Variants in PYROXD2 observed in about 807,000 individuals in gnomAD.
PYROXD2 encodes pyridine nucleotide-disulphide oxidoreductase domain 2, also known as pyridine nucleotide-disulfide oxidoreductase domain-containing protein 2.
PYROXD2 carries 69 observed loss-of-function variants against 71.1 expected under a neutral mutation model. The observed-to-expected ratio is 0.97, with a 90% CI of 0.80 to 1.19. The LOEUF (loss-of-function observed/expected upper bound fraction) is 1.19. Ranked by LOEUF, PYROXD2 falls within the 50% of genes most tolerant of loss-of-function variation. The pLI, the probability that PYROXD2 is intolerant of heterozygous loss-of-function variation, is 0.00. For missense variants in PYROXD2, 745 were observed against 748.9 expected (o/e 0.99, Z 0.06); for synonymous variants, 287 against 302.7 (o/e 0.95, Z 0.54).
rs746381035 is a variant in PYROXD2 at position 98,407,650 on chromosome 10, T to C, written c.247A>G (p.Lys83Glu). Residue 83 changes from lysine (K) to glutamate (E), a missense_variant, in exon 4 of 16, where the codon AAG becomes GAG. Physicochemically the swap from Lys to Glu is moderately conservative, Grantham distance 56. Coordinates refer to ENST00000370575, the MANE Select transcript of PYROXD2 (RefSeq NM_032709.3). The stretch of plus-strand genomic sequence containing the variant: ...AGCAGGTAGGACGCGCGGGAGAACT[T>C]AAACCCTGAAACCGAATCCGATGAA... ...AVTEEIIPGFKFSRASYLLSL... is the reference protein window; with the variant it reads ...AVTEEIIPGFEFSRASYLLSL... 1.9e-6 allele frequency: 3 copies of C among 1,613,792 alleles called. No homozygotes were observed. The South Asian group carries it at 3.3e-5, about 18-fold the overall frequency.
In PYROXD2 at chr10:98,391,093, A is replaced by C. The variant is rs763895593; in HGVS notation, c.1063-11T>G. 6.3e-7 allele frequency: 1 copy of C among 1,593,876 alleles called. No individual in the cohort carries two copies. Among genetic ancestry groups the C allele is most frequent in the East Asian group, 2.2e-5 (1 of 44,780 alleles). On this transcript the variant is annotated splice_polypyrimidine_tract_variant and intron_variant, in intron 10 of 15. Coordinates refer to ENST00000370575, the MANE Select transcript of PYROXD2 (RefSeq NM_032709.3). ...CTCAGGAAGCCACTCCTGGAAGGAG[A>C]AGGCTCCATGAAAGGCCTCAGATGT...
rs745926995 is a variant in PYROXD2 at position 98,385,015 on chromosome 10, A to G, written c.1607T>C (p.Val536Ala). Residue 536 changes from valine to alanine, a missense_variant, in exon 15 of 16, where the codon GTG becomes GCG. Transcript: ENST00000370575. ...SLDQLYFARPVPLHSGYRCPL... is the reference protein window; with the variant it reads ...SLDQLYFARPAPLHSGYRCPL... Reference sequence around the variant, plus strand: ...GCAGCGGTAGCCAGAATGCAGGGGCACGGGGCGGGCGAAGTAGAGCTGGTC... The same window carrying G: ...GCAGCGGTAGCCAGAATGCAGGGGCGCGGGGCGGGCGAAGTAGAGCTGGTC... 1.2e-5 allele frequency: 19 copies of G among 1,613,706 alleles called. No homozygotes were observed. Among genetic ancestry groups the G allele is most frequent in the Non-Finnish European group, 1.6e-5 (19 of 1,179,890 alleles).
intron 4 of PYROXD2, among the ~76,000 whole-genome samples, chr10:98,404,795 A>G (rs1843539142): frequency 6.6e-6 from 1 of 151,758 alleles, no homozygotes; most frequent in Non-Finnish European, 1.5e-5. Flanking sequence ...ATGCCATAAA[A>G]ACGACCGTTT....
intron 12 of PYROXD2, among the ~76,000 whole-genome samples, chr10:98,388,932 T>C (rs766833419): frequency 6.6e-6 from 1 of 152,094 alleles, no homozygotes; most frequent in Non-Finnish European, 1.5e-5. Flanking sequence ...ACAGAGCTGC[T>C]AGGGCTGCCC....
rs1183058475 is a variant in PYROXD2, at chr10:98,390,661, C to T, written c.1229G>A (p.Cys410Tyr). Reference sequence around the variant, plus strand: ...CTGATGAAGGAGGAGGGTGTCTTCACAGTTCAGGTGGATGGAGCATTGGTG... The same window carrying T: ...CTGATGAAGGAGGAGGGTGTCTTCATAGTTCAGGTGGATGGAGCATTGGTG... ...PHHQCSIHLN[C>Y]EDTLLLHQAF... is the part of the protein sequence containing the mutation. Residue 410 changes from cysteine (C) to tyrosine (Y), a missense_variant, in exon 12 of 16, where the codon TGT becomes TAT. By Grantham distance (194) the Cys-to-Tyr change is radical. Coordinates refer to ENST00000370575, the MANE Select transcript of PYROXD2 (RefSeq NM_032709.3). 14 of 1,612,490 alleles carry T rather than the reference C, an allele frequency of 8.7e-6. No homozygotes were observed. Among genetic ancestry groups the T allele is most frequent in the Non-Finnish European group, 1.2e-5 (14 of 1,179,196 alleles).
chr10:98,401,147 G>T (rs1843385229), intron 4 of PYROXD2, among the ~76,000 whole-genome samples: 1 of 151,540 alleles, frequency 6.6e-6, no homozygotes, highest in Admixed American at 6.6e-5. Context: ...CAACTACTCG[G>T]AAGGCTGAGG....
chr10:98,397,818 T>A (rs2135977103), intron 5 of PYROXD2, among the ~76,000 whole-genome samples: 1 of 151,302 alleles, frequency 6.6e-6, no homozygotes, highest in Non-Finnish European at 1.5e-5. Context: ...AATCCTAGGG[T>A]GTGGTCTCTG....
intron 14 of PYROXD2, among the ~76,000 whole-genome samples, chr10:98,385,294 GA>G (rs1842715245): frequency 6.6e-6 from 1 of 152,240 alleles, no homozygotes; most frequent in Non-Finnish European, 1.5e-5. Flanking sequence ...GCAGGGTGGG[GA>G]ACACGAACTG....
intron 12 of PYROXD2, 41 bp downstream of exon 12, chr10:98,390,557 T>TCCCTTCCC (rs1341194517): frequency 6.6e-7 from 1 of 1,522,564 alleles, no homozygotes; most frequent in African/African-American, 1.4e-5. Flanking sequence ...CCCAGGCCCA[T>TCCCTTCCC]GTGGAAGAAC....
chr10:98,393,140 TC>T, intron 8 of PYROXD2, 57 bp from the exon 9 acceptor site: 1 of 1,338,910 alleles, frequency 7.5e-7, no homozygotes, highest in Non-Finnish European at 1.0e-6. Context: ...TCCCCAGAGT[TC>T]CAGGTGCAAC....
Position 98,395,453 on chromosome 10 carries a change from C to T in PYROXD2, c.626-1G>A. The T allele has an allele frequency of 1.2e-6, 2 of 1,613,936 alleles. No homozygotes were observed. The highest frequency in any genetic ancestry group is 1.7e-6 in the Non-Finnish European group (2 of 1,179,822). On this transcript the variant is annotated splice_acceptor_variant, in intron 6 of 15. Transcript: ENST00000370575. LOFTEE classifies it high-confidence loss of function. ...GGAAGCTGGGCTCCCAGGATGCGGC[C>T]TACAAGAGAAGATCCACAAAACAGA...
chr10:98,397,829 C>T (rs74486122), intron 5 of PYROXD2, among the ~76,000 whole-genome samples: 2,153 of 151,166 alleles, frequency 0.014, 32 homozygotes, highest in Middle Eastern at 0.035. Context: ...GTGGTCTCTG[C>T]GATAAATCAT....
At position 98,415,026 on chromosome 10, in the gene PYROXD2, G is replaced by C; in HGVS notation, c.110C>G (p.Ala37Gly). The C allele has an allele frequency of 6.2e-7, 1 of 1,612,714 alleles. No individual in the cohort carries two copies. The highest frequency in any genetic ancestry group is 8.5e-7 in the Non-Finnish European group (1 of 1,179,404). Residue 37 changes from alanine to glycine, a missense_variant, in exon 1 of 16, where the codon GCG becomes GGG. By Grantham distance (60) the Ala-to-Gly change is moderately conservative (BLOSUM62 0). Coordinates refer to ENST00000370575, the MANE Select transcript of PYROXD2 (RefSeq NM_032709.3). ...ARGGLKPEYDAVVIGAGHNGL... is the reference protein window; with the variant it reads ...ARGGLKPEYDGVVIGAGHNGL... ...CACTTTACCTGCTCCTATCACCACCGCATCATACTCAGGCTTCAGACCTCC... is the reference window on the plus strand; with the variant it reads ...CACTTTACCTGCTCCTATCACCACCCCATCATACTCAGGCTTCAGACCTCC...
intron 4 of PYROXD2, among the ~76,000 whole-genome samples, chr10:98,402,349 A>T (rs1843442740): frequency 6.6e-6 from 1 of 152,220 alleles, no homozygotes; most frequent in Admixed American, 6.5e-5. Flanking sequence ...TAACTGCCCC[A>T]CTTCAGAAAT....
intron 2 of PYROXD2, 65 bp from the exon 3 acceptor site, chr10:98,408,062 G>C (rs1843670573): frequency 8.8e-6 from 13 of 1,485,140 alleles, no homozygotes; most frequent in Non-Finnish European, 1.0e-5. Flanking sequence ...GCTCCCTCGG[G>C]CTGACCCGCA....
chr10:98,402,659 C>T (rs1250958558), intron 4 of PYROXD2, among the ~76,000 whole-genome samples: 1 of 152,248 alleles, frequency 6.6e-6, no homozygotes, highest in East Asian at 1.9e-4. Flanking sequence ...TCTCCAGATC[C>T]GTGGCCTGCA....
In PYROXD2 at chr10:98,412,485, C is replaced by T. The variant is rs190588578; in HGVS notation, c.128-1527G>A. Among the ~76,000 whole-genome samples, 300 of 152,300 alleles carry T rather than the reference C, an allele frequency of 2.0e-3. 1 individual carries two copies. The highest frequency in any genetic ancestry group is 3.8e-3 in the Admixed American group (58 of 15,306). ...GTTGGTTGGGTGGATGTGCTGACCT[C>T]TGGGAGACACCTCCCGCCCTCAGAA... On this transcript the variant is annotated intron_variant, in intron 1 of 15. Transcript: ENST00000370575.
intron 6 of PYROXD2, among the ~76,000 whole-genome samples, chr10:98,396,415 G>C (rs1209727501): frequency 6.6e-6 from 1 of 152,162 alleles, no homozygotes; most frequent in African/African-American, 2.4e-5. Context: ...GACCAAACCA[G>C]ATCAGCTGAG....
At chr10:98,413,523 C>T (rs1300668804) in intron 1 of PYROXD2, among the ~76,000 whole-genome samples, 2 of 151,780 alleles carry the variant, frequency 1.3e-5, no homozygotes, top group South Asian at 2.1e-4. Flanking sequence ...AGATCAGCCT[C>T]GCCAACATGG....
Sources: allele counts gnomAD v4.1 joint callset (sites outside exome capture counted in the v4.1 genomes callset), GRCh38; gene constraint gnomAD v4.1.1; transcripts MANE v1.5; gene names NCBI Gene and HGNC (gene_info 2026-07-23, HGNC 2026-07-21).